NKAIN3: variants seen among roughly 807,000 people sequenced by gnomAD.
NKAIN3 encodes sodium/potassium transporting ATPase interacting 3.
A neutral mutation model predicts 30.2 loss-of-function variants in NKAIN3; 25 were observed. That is an observed-to-expected ratio of 0.83 (90% CI 0.60 to 1.16). The LOEUF (loss-of-function observed/expected upper bound fraction) is 1.16, where lower values mean the gene tolerates loss of function less well. Among genes scored for constraint, NKAIN3 ranks in the 50% most tolerant of loss-of-function variants. The pLI, the probability that NKAIN3 is intolerant of heterozygous loss-of-function variation, is 0.00. For synonymous variants in NKAIN3, 91 were observed against 89.6 expected (o/e 1.02, Z -0.09); for missense variants, 225 against 254.1 (o/e 0.89, Z 0.78).
rs1049483534 is a variant in NKAIN3 at position 62,974,780 on chromosome 8, G to A, written c.*9373G>A. Among the ~76,000 whole-genome samples, 7 of 152,196 alleles carry A rather than the reference G, an allele frequency of 4.6e-5. No individual in the cohort carries two copies. Among genetic ancestry groups the A allele is most frequent in the Admixed American group, 2.0e-4 (3 of 15,292 alleles). ...TGCTTCCAGTTTTTGCCCATTCAGT[G>A]TGATATTGGCTGTGGGTTTGTCATA... On this transcript the variant is annotated 3_prime_UTR_variant, in exon 7 of 7. Transcript: ENST00000623646.
intron 1 of NKAIN3, among the ~76,000 whole-genome samples, chr8:62,555,755 T>C (rs1356163722): frequency 6.6e-6 from 1 of 152,158 alleles, no homozygotes; most frequent in Admixed American, 6.5e-5. Context: ...AAGATACATT[T>C]TTTAAAATTC....
chr8:62,655,754 G>T (rs1812744396), intron 3 of NKAIN3, among the ~76,000 whole-genome samples: 1 of 152,014 alleles, frequency 6.6e-6, no homozygotes, highest in Non-Finnish European at 1.5e-5. Context: ...CGGATATACA[G>T]GTTTGGAATT....
At chr8:62,485,671 G>A (rs764646605) in intron 1 of NKAIN3, among the ~76,000 whole-genome samples, 18 of 152,188 alleles carry the variant, frequency 1.2e-4, no homozygotes, top group Non-Finnish European at 2.6e-4. Flanking sequence ...TGAGGACGGG[G>A]TGAAGGGAGA....
At chr8:62,795,375 G>T (rs1817828100) in intron 4 of NKAIN3, among the ~76,000 whole-genome samples, 1 of 152,128 alleles carries the variant, frequency 6.6e-6, no homozygotes, top group Admixed American at 6.6e-5. Flanking sequence ...CATGTTCATG[G>T]GTCCCCTGAA....
At chr8:62,597,671 A>G (rs1810874196) in intron 3 of NKAIN3, among the ~76,000 whole-genome samples, 1 of 152,052 alleles carries the variant, frequency 6.6e-6, no homozygotes, top group South Asian at 2.1e-4. Flanking sequence ...TTATGATATA[A>G]TACATTTCTA....
At chr8:62,916,930 C>T (rs1822123746) in intron 4 of NKAIN3, among the ~76,000 whole-genome samples, 1 of 151,974 alleles carries the variant, frequency 6.6e-6, no homozygotes, top group Admixed American at 6.6e-5. Flanking sequence ...AGGGGTTCTT[C>T]AGAATCCCAC....
At chr8:62,917,111 A>T (rs1247624659) in intron 4 of NKAIN3, among the ~76,000 whole-genome samples, 4 of 151,922 alleles carry the variant, frequency 2.6e-5, no homozygotes, top group Non-Finnish European at 4.4e-5. Flanking sequence ...ACAGCACAGG[A>T]AGATCTCTCC....
chr8:62,388,882 CTG>C (rs10554062), intron 1 of NKAIN3, among the ~76,000 whole-genome samples: 38,250 of 152,014 alleles, frequency 0.25, 4,953 homozygotes, highest in Middle Eastern at 0.39. Context: ...ACCAAGAACT[CTG>C]TGGTTAAATA....
Position 62,965,577 on chromosome 8 carries a change from AT to A in NKAIN3, c.*177del, listed in dbSNP as rs1301187157. Reference sequence around the variant, plus strand: ...ATGAGTTCTAGGTGCTTGGGTGGGTATTTTTTTAGTCGTTTTCTTCTTATAT... The same window carrying A: ...ATGAGTTCTAGGTGCTTGGGTGGGTATTTTTTAGTCGTTTTCTTCTTATAT... On this transcript the variant is annotated 3_prime_UTR_variant, in exon 7 of 7. Transcript: ENST00000623646. The A allele has an allele frequency of 8.2e-6, 8 of 973,012 alleles. No homozygotes were observed. The highest frequency in any genetic ancestry group is 8.5e-6 in the Non-Finnish European group (7 of 824,880). 60.3% of individuals were successfully genotyped at this position (973,012 alleles called of 1,614,324 possible).
chr8:62,792,931 C>A (rs1478593516), intron 4 of NKAIN3, among the ~76,000 whole-genome samples: 1 of 152,050 alleles, frequency 6.6e-6, no homozygotes, highest in Non-Finnish European at 1.5e-5. Context: ...GTACTAAACC[C>A]ATGAAGGGCT....
chr8:62,876,550 C>T (rs923669627), intron 4 of NKAIN3, among the ~76,000 whole-genome samples: 4 of 152,096 alleles, frequency 2.6e-5, no homozygotes, highest in African/African-American at 9.7e-5. Flanking sequence ...ATAGCAAAGA[C>T]ATGGAAACAA....
At chr8:62,776,190 T>C (rs1817186088) in intron 4 of NKAIN3, among the ~76,000 whole-genome samples, 1 of 152,100 alleles carries the variant, frequency 6.6e-6, no homozygotes, top group Non-Finnish European at 1.5e-5. Context: ...AGGGGTCTTA[T>C]TTGTTGGGTC....
chr8:62,647,495 C>T (rs563390054), intron 3 of NKAIN3, among the ~76,000 whole-genome samples: 9 of 152,184 alleles, frequency 5.9e-5, no homozygotes, highest in African/African-American at 1.9e-4. Flanking sequence ...TCTACAGGTG[C>T]GGTGTGGGTT....
At chr8:62,383,279 A>G (rs1030757446) in intron 1 of NKAIN3, among the ~76,000 whole-genome samples, 3 of 152,126 alleles carry the variant, frequency 2.0e-5, no homozygotes, top group African/African-American at 7.2e-5. Flanking sequence ...TTGTATGACC[A>G]AAAGACTGGA....
At chr8:62,917,677 G>A (rs1291761358) in intron 4 of NKAIN3, among the ~76,000 whole-genome samples, 2 of 152,178 alleles carry the variant, frequency 1.3e-5, no homozygotes, top group African/African-American at 4.8e-5. Flanking sequence ...ATAAACTATA[G>A]CAGCTATCAA....
At chr8:62,575,410 T>C (rs1563465196) in intron 1 of NKAIN3, among the ~76,000 whole-genome samples, 1 of 151,888 alleles carries the variant, frequency 6.6e-6, no homozygotes, top group Admixed American at 6.6e-5. Context: ...TAACCAAAAA[T>C]GTGAAAGATC....
chr8:62,492,062 A>G (rs940786895), intron 1 of NKAIN3, among the ~76,000 whole-genome samples: 2 of 152,156 alleles, frequency 1.3e-5, no homozygotes, highest in African/African-American at 4.8e-5. Flanking sequence ...AGTTGTGAGT[A>G]TAGAAGCTGG....
chr8:62,989,723 A>G (rs143797942), downstream of NKAIN3, among the ~76,000 whole-genome samples: 4 of 152,312 alleles, frequency 2.6e-5, no homozygotes, highest in Non-Finnish European at 4.4e-5. Context: ...AAAAATATGT[A>G]TATATATAAT....
chr8:62,860,734 C>T (rs956233227), intron 4 of NKAIN3, among the ~76,000 whole-genome samples: 10 of 152,240 alleles, frequency 6.6e-5, no homozygotes, highest in African/African-American at 2.4e-4. Flanking sequence ...CCGAGGCCAG[C>T]TTCTTGACCT....
Sources: gnomAD v4.1 joint callset for allele counts (sites outside exome capture counted in the v4.1 genomes callset) on GRCh38, gnomAD v4.1.1 for gene constraint, MANE v1.5 for transcripts, NCBI Gene and HGNC (gene_info 2026-07-23, HGNC 2026-07-21) for gene names.